LAMA2: variants seen among roughly 807,000 people sequenced by gnomAD.
LAMA2 encodes laminin subunit alpha-2.
In LAMA2, 269 loss-of-function variants were observed where a neutral mutation model predicts 364.8. The ratio of observed to expected loss-of-function variants is 0.74; its 90% CI spans 0.67 to 0.82. The LOEUF (loss-of-function observed/expected upper bound fraction) is 0.82, where lower values mean the gene tolerates loss of function less well. LAMA2 is among the 40% of genes least tolerant of loss of function. LAMA2 has a pLI of 0.00. For synonymous variants in LAMA2, 1,379 were observed against 1,370.6 expected (o/e 1.01, Z -0.14); for missense variants, 3,807 against 3,873.2 (o/e 0.98, Z 0.45).
At chr6:129,273,695 A>C (rs1016990838) in intron 17 of LAMA2, among the ~76,000 whole-genome samples, 1 of 152,138 alleles carries the variant, frequency 6.6e-6, no homozygotes, top group African/African-American at 2.4e-5. Context: ...AACACAATCC[A>C]TCAGTGCCAA....
At chr6:129,238,741 A>G (rs1342142318) in intron 12 of LAMA2, among the ~76,000 whole-genome samples, 2 of 152,206 alleles carry the variant, frequency 1.3e-5, no homozygotes, top group Non-Finnish European at 2.9e-5. Context: ...TGCTCCATCT[A>G]TACAATAGAA....
chr6:129,454,099 C>CTT lies in LAMA2; in HGVS notation c.6574-55_6574-54insTT, dbSNP rs546214200. ...TATTGAAAAACACTCTGCTGGTCTC[C>CTT]TCTTTAAAGGTGCTTTATATCTGAT... is the stretch of plus-strand genomic sequence containing the variant. On this transcript the variant is annotated intron_variant, in intron 46 of 64. Transcript: ENST00000421865. 612 of 1,510,686 alleles carry CTT rather than the reference C, an allele frequency of 4.1e-4. 4 individuals carry two copies. The African/African-American group carries it at 7.5e-3, about 19-fold the overall frequency. The allele number at this position is 1,510,686 out of a possible 1,614,324, so 93.6% of individuals were successfully genotyped here.
At chr6:129,268,743 G>T (rs1024616913) in intron 16 of LAMA2, among the ~76,000 whole-genome samples, 1 of 151,986 alleles carries the variant, frequency 6.6e-6, no homozygotes, top group African/African-American at 2.4e-5. Context: ...ATAACAGAGC[G>T]ATCTTGAGGA....
In LAMA2 at chr6:129,499,757, G is replaced by C. The variant is rs576933165; in HGVS notation, c.8245-2902G>C. Among the ~76,000 whole-genome samples the C allele has an allele frequency of 1.4e-4, 22 of 152,242 alleles. No homozygotes were observed. The South Asian group carries it at 4.3e-3, about 30-fold the overall frequency. ...TTTTGAGACAGGTTCTTGCTCTACT[G>C]TCCAGGTTGGAGTGCAGTGATGCAA... On this transcript the variant is annotated intron_variant, in intron 58 of 64. Transcript: ENST00000421865.
At chr6:129,320,949 T>G (rs1203257858) in intron 28 of LAMA2, among the ~76,000 whole-genome samples, 1 of 152,206 alleles carries the variant, frequency 6.6e-6, no homozygotes, top group African/African-American at 2.4e-5. Flanking sequence ...CTTGGACCAC[T>G]TCTGAAGAGT....
intron 12 of LAMA2, among the ~76,000 whole-genome samples, chr6:129,211,500 A>G (rs1464413509): frequency 3.3e-5 from 5 of 152,216 alleles, no homozygotes; most frequent in East Asian, 3.9e-4. Context: ...GTGTCTTTCA[A>G]TGAAAGCTCA....
chr6:128,912,355 C>A (rs1174041007), intron 1 of LAMA2, among the ~76,000 whole-genome samples: 3 of 152,104 alleles, frequency 2.0e-5, no homozygotes, highest in Non-Finnish European at 4.4e-5. Context: ...TCCTTTCTCC[C>A]TCTTTTTACA....
chr6:129,046,179 G>T (rs1787473558), intron 1 of LAMA2, among the ~76,000 whole-genome samples: 1 of 152,118 alleles, frequency 6.6e-6, no homozygotes, highest in Non-Finnish European at 1.5e-5. Context: ...AATTTTTAAA[G>T]AACTGGAGAA....
rs553538327 is a variant in LAMA2 at position 129,137,570 on chromosome 6, ATAAAT to A, written c.640-6329_640-6325del. 1.8e-3 allele frequency among the ~76,000 whole-genome samples: 268 copies of A among 152,242 alleles called. 2 individuals are homozygous for A. Among genetic ancestry groups the A allele is most frequent in the Non-Finnish European group, 3.5e-3 (235 of 67,998 alleles). ...AAAATAATTTATTAGACTAGAATAA[ATAAAT>A]TTATACTAGAATTTATGATGAACAG... is the stretch of plus-strand genomic sequence containing the variant. On this transcript the variant is annotated intron_variant, in intron 4 of 64. Coordinates refer to ENST00000421865, the MANE Select transcript of LAMA2 (RefSeq NM_000426.4).
chr6:129,452,235 C>T (rs1039468454), intron 45 of LAMA2, among the ~76,000 whole-genome samples: 1 of 152,068 alleles, frequency 6.6e-6, no homozygotes, highest in African/African-American at 2.4e-5. Context: ...AAGGAAGGCT[C>T]TCTAAATATA....
intron 1 of LAMA2, among the ~76,000 whole-genome samples, chr6:129,033,379 G>T (rs750868430): frequency 6.6e-6 from 1 of 152,148 alleles, no homozygotes; most frequent in Non-Finnish European, 1.5e-5. Context: ...GGACCAGGGA[G>T]GGCCCATGGG....
chr6:128,923,924 C>A (rs1020260428), intron 1 of LAMA2, among the ~76,000 whole-genome samples: 6 of 152,074 alleles, frequency 3.9e-5, no homozygotes, highest in African/African-American at 1.4e-4. Flanking sequence ...GGGGAGCTGG[C>A]ACCTAGGTCT....
At chr6:129,351,059 G>C (rs990463868) in intron 31 of LAMA2, among the ~76,000 whole-genome samples, 1 of 152,032 alleles carries the variant, frequency 6.6e-6, no homozygotes, top group African/African-American at 2.4e-5. Context: ...GTACATACTT[G>C]TTAATACCCA....
At chr6:129,246,670 G>C (rs954446743) in intron 12 of LAMA2, among the ~76,000 whole-genome samples, 2 of 152,176 alleles carry the variant, frequency 1.3e-5, no homozygotes, top group African/African-American at 4.8e-5. Context: ...AAGTCAGAGA[G>C]ATGAATTCAG....
intron 45 of LAMA2, among the ~76,000 whole-genome samples, chr6:129,447,275 A>C (rs936100738): frequency 1.2e-4 from 19 of 152,244 alleles, no homozygotes; most frequent in African/African-American, 4.6e-4. Context: ...GAAGTGACAT[A>C]AAAGTTCTAG....
chr6:129,329,176 C>T (rs1039631118), intron 29 of LAMA2, among the ~76,000 whole-genome samples: 2 of 152,292 alleles, frequency 1.3e-5, no homozygotes, highest in Admixed American at 6.5e-5. Flanking sequence ...AAGCCCATCT[C>T]CCACCTCTGC....
In LAMA2 at chr6:129,507,501, A is replaced by T; in HGVS notation, c.8716A>T (p.Ile2906Phe). 2 of 1,614,208 alleles carry T rather than the reference A, an allele frequency of 1.2e-6. No homozygotes were observed. The highest frequency in any genetic ancestry group is 1.7e-6 in the Non-Finnish European group (2 of 1,180,014). The change falls in exon 62 of 65, where the codon ATT becomes TTT. Residue 2906 changes from isoleucine to phenylalanine, a missense_variant. By Grantham distance (21) the Ile-to-Phe change is conservative. Transcript: ENST00000421865. ...TCTGAATGTTTAGGTGACCTATAGC[A>T]TTGATGGCTGCGTCAGGAATCTCCA... ...TRRIGPVTYSIDGCVRNLHMA... is the reference protein window; with the variant it reads ...TRRIGPVTYSFDGCVRNLHMA...
chr6:129,310,914 T>C (rs1426895599), intron 22 of LAMA2, among the ~76,000 whole-genome samples: 1 of 152,048 alleles, frequency 6.6e-6, no homozygotes, highest in Non-Finnish European at 1.5e-5. Context: ...GGCAAATGCA[T>C]GTCTGTAGAA....
chr6:129,128,981 A>G (rs1236704644), intron 4 of LAMA2, among the ~76,000 whole-genome samples: 1 of 152,224 alleles, frequency 6.6e-6, no homozygotes, highest in Non-Finnish European at 1.5e-5. Flanking sequence ...AATATTTCCC[A>G]GCAACTTCCT....
Sources: gnomAD v4.1 joint callset for allele counts (sites outside exome capture counted in the v4.1 genomes callset) on GRCh38, gnomAD v4.1.1 for gene constraint, MANE v1.5 for transcripts, NCBI Gene and HGNC (gene_info 2026-07-23, HGNC 2026-07-21) for gene names.